LYRM4: variants seen among roughly 807,000 people sequenced by gnomAD.
LYRM4 encodes LYR motif-containing protein 4.
In LYRM4, 9 loss-of-function variants were observed where a neutral mutation model predicts 11.7. The ratio of observed to expected loss-of-function variants is 0.77; its 90% confidence interval spans 0.46 to 1.34. LYRM4 has a LOEUF of 1.34. Ranked by LOEUF, LYRM4 falls within the 40% of genes most tolerant of loss-of-function variation. The pLI, the probability that LYRM4 is intolerant of heterozygous loss-of-function variation, is 0.00. For synonymous variants in LYRM4, 42 were observed against 40.4 expected, an observed-to-expected ratio of 1.04 and a Z score of -0.15; for missense variants, 133 against 112.5, an observed-to-expected ratio of 1.18 and a Z score of -0.82.
the LYRM4 span, among the ~76,000 whole-genome samples, chr6:5,090,342 T>C: frequency 3.9e-5 from 6 of 152,174 alleles, no homozygotes; most frequent in African/African-American, 1.4e-4. The surrounding 1 kb of genome is among the most constrained non-coding windows in gnomAD (Gnocchi z 4.8). Context: ...AATGTGGCAG[T>C]TTGTATGAAA....
At chr6:5,197,001 C>T (rs1761092024) in intron 2 of LYRM4, among the ~76,000 whole-genome samples, 1 of 152,130 alleles carries the variant, frequency 6.6e-6, no homozygotes, top group Non-Finnish European at 1.5e-5. Flanking sequence ...GATGAGCCTC[C>T]CCAAGTGCTT....
At chr6:5,222,569 A>G (rs1762639998) in intron 1 of LYRM4, among the ~76,000 whole-genome samples, 1 of 152,198 alleles carries the variant, frequency 6.6e-6, no homozygotes, top group African/African-American at 2.4e-5. Flanking sequence ...GTTTGAGGTA[A>G]TGGAGTGGTC....
chr6:5,236,636 T>C lies in LYRM4; in HGVS notation c.87-19898A>G, dbSNP rs185445970. Among the ~76,000 whole-genome samples the C allele has an allele frequency of 4.6e-5, 7 of 151,966 alleles. No homozygotes were observed. In the East Asian group the frequency reaches 1.2e-3, roughly 25 times the overall value. On this transcript the variant is annotated intron_variant, in intron 1 of 2. Coordinates refer to ENST00000330636, the MANE Select transcript of LYRM4 (RefSeq NM_020408.6). ...TTTGTTTAAAAGAGATGGTCTGTTATAATAATCCCTCTAAAAAAATCTCTA... is the reference window on the plus strand; with the variant it reads ...TTTGTTTAAAAGAGATGGTCTGTTACAATAATCCCTCTAAAAAAATCTCTA...
At chr6:5,182,902 G>A (rs936971436) in intron 2 of LYRM4, among the ~76,000 whole-genome samples, 3 of 152,134 alleles carry the variant, frequency 2.0e-5, no homozygotes, top group African/African-American at 7.2e-5. Flanking sequence ...ATGTTATAGA[G>A]AATTTTTTAT....
the LYRM4 span, among the ~76,000 whole-genome samples, chr6:5,062,281 T>G: frequency 1.4e-5 from 2 of 144,894 alleles, no homozygotes; most frequent in Admixed American, 6.9e-5. Context: ...ATTTATATGT[T>G]GATAATATTT....
chr6:5,076,138 G>T, the LYRM4 span, among the ~76,000 whole-genome samples: 1 of 151,968 alleles, frequency 6.6e-6, no homozygotes, highest in East Asian at 1.9e-4. Context: ...TAGAGACAGG[G>T]TTTCACCATG....
the LYRM4 span, chr6:5,065,805 A>T: frequency 0.35 from 114,596 of 327,594 alleles, 20,720 homozygotes; most frequent in Middle Eastern, 0.45. Context: ...CTACATATTT[A>T]CCAGGGTTTC....
the LYRM4 span, chr6:5,066,678 C>A: frequency 1.9e-6 from 2 of 1,028,072 alleles, no homozygotes; most frequent in Non-Finnish European, 3.1e-6. Context: ...ACCTGGACTG[C>A]ACTGCAGCAA....
At chr6:5,210,251 A>G (rs758941705) in intron 2 of LYRM4, among the ~76,000 whole-genome samples, 81 of 152,288 alleles carry the variant, frequency 5.3e-4, no homozygotes, top group Middle Eastern at 6.8e-3. Context: ...GTAAATAGAG[A>G]AGAAGGGGAC....
the LYRM4 span, chr6:5,031,979 T>A: frequency 3.3e-5 from 5 of 152,232 alleles, no homozygotes; most frequent in Non-Finnish European, 5.9e-5. Context: ...TGTTCTTGCA[T>A]AATTTCAACT....
At chr6:5,234,008 C>G (rs549285698) in intron 1 of LYRM4, among the ~76,000 whole-genome samples, 1 of 152,206 alleles carries the variant, frequency 6.6e-6, no homozygotes, top group Non-Finnish European at 1.5e-5. Context: ...CCCTCCTCCC[C>G]AACAACTACA....
At chr6:5,059,972 T>C in the LYRM4 span, among the ~76,000 whole-genome samples, 1 of 152,194 alleles carries the variant, frequency 6.6e-6, no homozygotes, top group African/African-American at 2.4e-5. Flanking sequence ...GGCTTTAATC[T>C]ATCTTTTGTC....
At chr6:5,118,751 C>A (rs533031234) in intron 2 of LYRM4, among the ~76,000 whole-genome samples, 2 of 152,208 alleles carry the variant, frequency 1.3e-5, no homozygotes, top group Admixed American at 1.3e-4. Context: ...GAATTTATGT[C>A]TGTATTTTTT....
At chr6:5,109,773 G>A (rs1411798787) in intron 2 of LYRM4, among the ~76,000 whole-genome samples, 1 of 152,208 alleles carries the variant, frequency 6.6e-6, no homozygotes, top group East Asian at 1.9e-4. Context: ...GCTGGGTGAC[G>A]CCTGCCTGCT....
At chr6:5,071,258 C>T in the LYRM4 span, among the ~76,000 whole-genome samples, 42,400 of 151,886 alleles carry the variant, frequency 0.28, 6,181 homozygotes, top group Middle Eastern at 0.36. Context: ...TTCCCTCCCT[C>T]AAAGTGAACT....
At chr6:5,249,981 C>T (rs2127768730) in intron 1 of LYRM4, among the ~76,000 whole-genome samples, 1 of 152,212 alleles carries the variant, frequency 6.6e-6, no homozygotes, top group South Asian at 2.1e-4. Context: ...TCATTATAGC[C>T]ATTTCAAACA....
intron 2 of LYRM4, among the ~76,000 whole-genome samples, chr6:5,116,206 A>C (rs1763111856): frequency 6.6e-6 from 1 of 152,232 alleles, no homozygotes; most frequent in South Asian, 2.1e-4. Flanking sequence ...AAGACAAGTG[A>C]ATAAAAACAG....
intron 2 of LYRM4, among the ~76,000 whole-genome samples, chr6:5,179,065 C>CAAAAAAAAAAAAAAAAAAAAAAAAA (rs58749743): frequency 1.7e-4 from 18 of 103,898 alleles, no homozygotes; most frequent in East Asian, 4.9e-4. Context: ...ACCAAAAAAA[C>CAAAAAAAAAAAAAAAAAAAAAAAAA]AAAAAAAAAA....
intron 2 of LYRM4, among the ~76,000 whole-genome samples, chr6:5,139,632 T>C (rs2127622188): frequency 6.6e-6 from 1 of 152,338 alleles, no homozygotes; most frequent in Non-Finnish European, 1.5e-5. Flanking sequence ...ACACAGACTA[T>C]AATCTACTCT....
Sources: gnomAD v4.1 joint callset for allele counts (sites outside exome capture counted in the v4.1 genomes callset) on GRCh38, gnomAD v4.1.1 for gene constraint, Gnocchi (gnomAD v3.1) non-coding constraint, MANE v1.5 for transcripts, NCBI Gene and HGNC (gene_info 2026-07-23, HGNC 2026-07-21) for gene names.